The following MGA variants were observed in gnomAD, a reference collection of about 807,000 sequenced individuals.
MGA encodes MAX gene-associated protein.
In MGA, 40 loss-of-function variants were observed where a neutral mutation model predicts 261.1. The observed-to-expected ratio is 0.15, with a 90% CI of 0.12 to 0.20. The LOEUF is 0.20. Among genes scored for constraint, MGA ranks in the 10% least tolerant of loss-of-function variants. MGA has a pLI of 1.00. For synonymous variants in MGA, 1,302 were observed against 1,290.6 expected (o/e 1.01, Z -0.19); for missense variants, 3,397 against 3,630.5 (o/e 0.94, Z 1.65).
intron 1 of MGA, among the ~76,000 whole-genome samples, chr15:41,624,549 G>A (rs1346261207): frequency 3.3e-5 from 5 of 152,152 alleles, no homozygotes; most frequent in Non-Finnish European, 7.3e-5. Flanking sequence ...TGGCCAGGCT[G>A]GTCTCGAGCT....
At chr15:41,626,213 A>G (rs1238491545) in intron 1 of MGA, among the ~76,000 whole-genome samples, 1 of 152,120 alleles carries the variant, frequency 6.6e-6, no homozygotes, top group Non-Finnish European at 1.5e-5. Context: ...ATAAATATCA[A>G]ACGTAAGCTA....
chr15:41,676,792 A>C (rs920745958), intron 2 of MGA, among the ~76,000 whole-genome samples: 1 of 152,190 alleles, frequency 6.6e-6, no homozygotes, highest in Non-Finnish European at 1.5e-5. Flanking sequence ...AATTTTAATT[A>C]ATTGCTAAAT....
At chr15:41,762,460 G>GTTTTTTTTTTTTTTT (rs1491528643) in intron 22 of MGA, 98 bp downstream of exon 22, 24 of 190,528 alleles carry the variant, frequency 1.3e-4, no homozygotes, top group African/African-American at 8.0e-4. Flanking sequence ...AGTTTTGTGT[G>GTTTTTTTTTTTTTTT]GTTTTTTTTT....
chr15:41,764,252 A>ATTTTTT (rs71108132), intron 22 of MGA, among the ~76,000 whole-genome samples: 1 of 109,726 alleles, frequency 9.1e-6, no homozygotes, highest in African/African-American at 3.1e-5. Context: ...TGGTGTGGGT[A>ATTTTTT]TTTTTTTTTT....
At position 41,669,722 on chromosome 15, in the gene MGA, C is replaced by T. The variant is rs1184513914; in HGVS notation, c.828C>T (p.Ser276=). 6.2e-7 allele frequency: 1 copy of T among 1,613,532 alleles called. No homozygotes were observed. The highest frequency in any genetic ancestry group is 8.5e-7 in the Non-Finnish European group (1 of 1,179,646). ...AGAGAGATGGAAAACAAAAGAACAG[C>T]TCTGACCAAGAAGGGAATAATATTT... The change falls in exon 2 of 24, where the codon AGC becomes AGT. Residue 276 remains serine (S), a synonymous_variant. Transcript: ENST00000219905.
At chr15:41,728,785 T>C (rs904900859) in intron 10 of MGA, among the ~76,000 whole-genome samples, 1 of 152,198 alleles carries the variant, frequency 6.6e-6, no homozygotes, top group Admixed American at 6.5e-5. Context: ...ATTTAGAAAT[T>C]TCTACAGCAA....
intron 2 of MGA, among the ~76,000 whole-genome samples, chr15:41,672,801 C>A (rs950678456): frequency 6.6e-6 from 1 of 151,808 alleles, no homozygotes; most frequent in Admixed American, 6.6e-5. Flanking sequence ...ACTATCTGTT[C>A]CTTTACAGGA....
chr15:41,656,355 TC>T (rs2057184990), upstream of MGA, among the ~76,000 whole-genome samples: 1 of 110,658 alleles, frequency 9.0e-6, no homozygotes, highest in Admixed American at 9.3e-5. Context: ...TCTCTCTCTC[TC>T]TCTCTCTCTC....
chr15:41,732,708 TA>T (rs1296567460), intron 11 of MGA, among the ~76,000 whole-genome samples: 2 of 152,204 alleles, frequency 1.3e-5, no homozygotes, highest in Non-Finnish European at 2.9e-5. Flanking sequence ...TGGTACATTA[TA>T]AGTACCCTGT....
At chr15:41,756,152 G>T (rs2063138150) in intron 18 of MGA, among the ~76,000 whole-genome samples, 1 of 152,140 alleles carries the variant, frequency 6.6e-6, no homozygotes, top group Admixed American at 6.5e-5. Context: ...CAGATATGAA[G>T]AAAGTGTTTG....
At chr15:41,651,853 TTCCCCTCTTCTC>T (rs1318002224) in intron 1 of MGA, among the ~76,000 whole-genome samples, 2 of 59,576 alleles carry the variant, frequency 3.4e-5, no homozygotes, top group Non-Finnish European at 6.5e-5. Flanking sequence ...CTCCCCTCTT[TTCCCCTCTTCTC>T]TCCCCTCTTC....
chr15:41,654,779 A>C (rs184893359), intron 1 of MGA, among the ~76,000 whole-genome samples: 26 of 152,130 alleles, frequency 1.7e-4, no homozygotes, highest in African/African-American at 6.3e-4. Flanking sequence ...CTCCCAAAGT[A>C]CTGGGATTAC....
intron 9 of MGA, among the ~76,000 whole-genome samples, chr15:41,716,033 C>T (rs777547433): frequency 5.9e-5 from 9 of 151,990 alleles, no homozygotes; most frequent in Non-Finnish European, 1.3e-4. Context: ...AATTAAACTC[C>T]GATAGCCAAT....
intron 1 of MGA, among the ~76,000 whole-genome samples, chr15:41,662,777 A>G (rs2057489983): frequency 6.6e-6 from 1 of 152,208 alleles, no homozygotes; most frequent in South Asian, 2.1e-4. Context: ...TGAGTTTCAC[A>G]AATGTAATTT....
intron 19 of MGA, among the ~76,000 whole-genome samples, chr15:41,758,615 T>G (rs1240211976): frequency 6.6e-6 from 1 of 152,216 alleles, no homozygotes; most frequent in Non-Finnish European, 1.5e-5. Flanking sequence ...ATTTACATAA[T>G]TCATTGTTTT....
At position 41,670,757 on chromosome 15, in the gene MGA, C is replaced by T. The variant is rs188733854; in HGVS notation, c.1064+799C>T. On this transcript the variant is annotated intron_variant, in intron 2 of 23. Transcript: ENST00000219905. ...TCCTGACCTCATGATCTGCCCGCCT[C>T]GGCCTCCCAAGGTGCTGGGATTACA... Among the ~76,000 whole-genome samples the T allele has an allele frequency of 8.5e-5, 13 of 152,342 alleles. No homozygotes were observed. In the East Asian group the frequency reaches 2.3e-3, roughly 27 times the overall value.
rs748610186 is a variant in MGA at position 41,743,006 on chromosome 15, T to C, written c.5046T>C (p.Ser1682=). Residue 1682 remains serine, a synonymous_variant, in exon 15 of 24, where the codon TCT becomes TCC. Transcript: ENST00000219905. ...CTTTTCCTAAGTCTTTGGTAGCATC[T>C]CCTTCAACCATAACTCTTCCTGTTG... The C allele has an allele frequency of 1.2e-6, 2 of 1,613,998 alleles. No homozygotes were observed. Among genetic ancestry groups the C allele is most frequent in the South Asian group, 2.2e-5 (2 of 91,084 alleles).
chr15:41,740,363 A>G (rs1337324818), intron 14 of MGA, among the ~76,000 whole-genome samples, 160 bp downstream of exon 14: 2 of 152,272 alleles, frequency 1.3e-5, no homozygotes, highest in Middle Eastern at 3.4e-3. Context: ...GTTTGGGGTT[A>G]ACGTCTGATA....
intron 2 of MGA, among the ~76,000 whole-genome samples, chr15:41,685,322 T>A (rs2058898294): frequency 6.6e-6 from 1 of 152,226 alleles, no homozygotes; most frequent in African/African-American, 2.4e-5. Flanking sequence ...TTTATTTGTC[T>A]ATGTTTTCTA....
Sources: allele counts gnomAD v4.1 joint callset (sites outside exome capture counted in the v4.1 genomes callset), GRCh38; gene constraint gnomAD v4.1.1; transcripts MANE v1.5; gene names NCBI Gene and HGNC (gene_info 2026-07-23, HGNC 2026-07-21).